The following FARP1 variants were observed in gnomAD, a reference collection of about 807,000 sequenced individuals.
FARP1 encodes the protein FERM, ARHGEF and pleckstrin domain-containing protein 1.
Under a neutral mutation model 128.8 loss-of-function variants are expected in FARP1, and 52 were observed. That is an observed-to-expected ratio of 0.40 (90% CI 0.32 to 0.51). The LOEUF (loss-of-function observed/expected upper bound fraction) is 0.51. FARP1 is among the 20% of genes least tolerant of loss of function. FARP1 has a pLI of 0.45. For missense variants in FARP1, 1,333 were observed against 1,367.9 expected (o/e 0.97, Z 0.40); for synonymous variants, 580 against 551.8 (o/e 1.05, Z -0.72).
chr13:98,424,432 A>G (rs9584843), intron 16 of FARP1, 140 bp from the exon 17 acceptor site: 82,371 of 646,502 alleles, frequency 0.13, 9,885 homozygotes, highest in East Asian at 0.38. Context: ...CAACGATAAC[A>G]TTCCATGACC....
chr13:98,188,679 C>T (rs1417209797), intron 1 of FARP1, among the ~76,000 whole-genome samples: 5 of 152,130 alleles, frequency 3.3e-5, no homozygotes, highest in Non-Finnish European at 5.9e-5. Flanking sequence ...GGCTGACCTG[C>T]GGGTCCCCTG....
intron 13 of FARP1, chr13:98,406,272 C>A (rs980124449): frequency 6.6e-6 from 1 of 152,150 alleles, no homozygotes; most frequent in African/African-American, 2.4e-5. Flanking sequence ...TTGTTTGGAC[C>A]ACGTCACCTG....
At chr13:98,199,132 A>G (rs572129565) in intron 1 of FARP1, among the ~76,000 whole-genome samples, 2 of 151,508 alleles carry the variant, frequency 1.3e-5, no homozygotes, top group South Asian at 4.2e-4. Context: ...CTTTCAGTAC[A>G]TGGTGGATGC....
chr13:98,395,574 G>C, intron 13 of FARP1, 98 bp downstream of exon 13: 1 of 1,397,252 alleles, frequency 7.2e-7, no homozygotes, highest in Non-Finnish European at 9.6e-7. Flanking sequence ...GAGAACAAGC[G>C]TCCCGATCCC....
At position 98,256,948 on chromosome 13, in the gene FARP1, G is replaced by GGTATATATATATATATATATATATATGT. The variant is rs59128917; in HGVS notation, c.171+43535_171+43536insGTATATATATATATATATATATATATGT. Among the ~76,000 whole-genome samples the GGTATATATATATATATATATATATATGT allele has an allele frequency of 1.4e-3, 107 of 77,084 alleles. 5 individuals carry two copies. The highest frequency in any genetic ancestry group is 2.2e-3 in the Non-Finnish European group (83 of 37,082). The allele number at this position is 77,084 out of a possible 152,430, so 50.6% of individuals were successfully genotyped here. On this transcript the variant is annotated intron_variant, in intron 2 of 26. Transcript: ENST00000319562. Reference sequence around the variant, plus strand: ...CAATAATTTTCAAAGTATATATGTGGATATATATATATATATATATATATA... The same window carrying GGTATATATATATATATATATATATATGT: ...CAATAATTTTCAAAGTATATATGTGGGTATATATATATATATATATATATATGTATATATATATATATATATATATATA...
rs2139212000 is a variant in FARP1, at chr13:98,450,804, AG to A, written c.*2488del. The A allele has an allele frequency of 6.6e-6, 1 of 152,386 alleles. No homozygotes were observed. Among genetic ancestry groups the A allele is most frequent in the Non-Finnish European group, 1.5e-5 (1 of 68,048 alleles). The allele number at this position is 152,386 out of a possible 1,614,324, so 9.4% of individuals were successfully genotyped here. A position where few individuals can be genotyped will look rare whatever the true frequency, so the allele number is the denominator to read the frequency against. ...GGCTCTCTCTTAATGCAGGCCTGGA[AG>A]TGGCGACACAAAAGCCAGCTTCCTT... On this transcript the variant is annotated 3_prime_UTR_variant, in exon 27 of 27. Coordinates refer to ENST00000319562, the MANE Select transcript of FARP1 (RefSeq NM_005766.4).
At chr13:98,378,005 A>T in intron 6 of FARP1, 87 bp downstream of exon 6, 2 of 998,296 alleles carry the variant, frequency 2.0e-6, no homozygotes, top group Non-Finnish European at 3.1e-6. Context: ...CCACCAAAAA[A>T]GAAAGTGTCA....
At chr13:98,313,313 AACAC>A (rs10684013) in intron 2 of FARP1, among the ~76,000 whole-genome samples, 32 of 139,454 alleles carry the variant, frequency 2.3e-4, no homozygotes, top group Non-Finnish European at 3.4e-4. Context: ...CCTTCCCCCA[AACAC>A]ACACACACAC....
rs1168723557 is a variant in FARP1, at chr13:98,368,104, T to G, written c.320-13T>G. 4 of 1,607,816 alleles carry G rather than the reference T, an allele frequency of 2.5e-6. No homozygotes were observed. In the East Asian group the frequency reaches 8.9e-5, roughly 36 times the overall value. On this transcript the variant is annotated splice_polypyrimidine_tract_variant and intron_variant, in intron 4 of 26. Coordinates refer to ENST00000319562, the MANE Select transcript of FARP1 (RefSeq NM_005766.4). ...TCAGTAAATGCTTTACTTCTTTTTT[T>G]CTTCTTCTTTAGGGCCAAAGCACGT...
chr13:98,296,747 A>G (rs932636803), intron 2 of FARP1, among the ~76,000 whole-genome samples: 2 of 139,000 alleles, frequency 1.4e-5, no homozygotes, highest in East Asian at 4.4e-4. Flanking sequence ...GCTAGAGTGC[A>G]GTGACATAGC....
chr13:98,336,703 A>C (rs1324592793), intron 2 of FARP1, among the ~76,000 whole-genome samples: 1 of 152,182 alleles, frequency 6.6e-6, no homozygotes, highest in African/African-American at 2.4e-5. Flanking sequence ...CATGAATGTA[A>C]ACCTCCTCCT....
intron 2 of FARP1, among the ~76,000 whole-genome samples, chr13:98,309,153 C>CTTTTTTTTTTTTTTTT (rs56030081): frequency 2.2e-5 from 2 of 89,670 alleles, no homozygotes; most frequent in African/African-American, 8.8e-5. Context: ...TTTAAGAGGC[C>CTTTTTTTTTTTTTTTT]TTTTTTTTTT....
chr13:98,420,430 C>T (rs2140142237), intron 16 of FARP1, among the ~76,000 whole-genome samples: 1 of 152,312 alleles, frequency 6.6e-6, no homozygotes, highest in East Asian at 1.9e-4. Flanking sequence ...TCTTCCCTGT[C>T]CTCAGTCTGC....
rs933010872 is a variant in FARP1, at chr13:98,409,490, C to T, written c.1567C>T (p.Pro523Ser). Residue 523 changes from proline (P) to serine (S), a missense_variant, in exon 14 of 27, where the codon CCC becomes TCC. This residue lies in a region of FARP1 where 1,009 missense variants were observed against 969.8 expected (regional missense o/e 1.04). Coordinates refer to ENST00000319562, the MANE Select transcript of FARP1 (RefSeq NM_005766.4). ...CCCGCTGCTGAATGACCAGGCCTGC[C>T]CCCGGACGGACGATGAGGATGAGGG... ...ISPLLNDQAC[P>S]RTDDEDEGRR... 3.1e-6 allele frequency: 5 copies of T among 1,613,304 alleles called. No individual in the cohort carries two copies. In the African/African-American group the frequency reaches 5.3e-5, roughly 17 times the overall value.
intron 1 of FARP1, among the ~76,000 whole-genome samples, chr13:98,162,431 C>T (rs1409906625): frequency 6.6e-6 from 1 of 152,168 alleles, no homozygotes; most frequent in African/African-American, 2.4e-5. Flanking sequence ...TGCGTTTGTG[C>T]CGCTATTCCT....
At chr13:98,288,234 T>TG (rs1466254228) in intron 2 of FARP1, among the ~76,000 whole-genome samples, 1 of 152,090 alleles carries the variant, frequency 6.6e-6, no homozygotes, top group Non-Finnish European at 1.5e-5. Flanking sequence ...TGAGGAGGGA[T>TG]GGTATAGGTT....
At chr13:98,173,043 A>G (rs921141896) in intron 1 of FARP1, among the ~76,000 whole-genome samples, 1 of 152,230 alleles carries the variant, frequency 6.6e-6, no homozygotes, top group African/African-American at 2.4e-5. Flanking sequence ...AAATAATAGT[A>G]GTTAAGGATA....
intron 1 of FARP1, among the ~76,000 whole-genome samples, chr13:98,173,913 C>A (rs938794927): frequency 3.3e-5 from 5 of 152,184 alleles, no homozygotes; most frequent in African/African-American, 1.2e-4. Flanking sequence ...CATCCCTGTT[C>A]TGAGCTGTTT....
intron 1 of FARP1, among the ~76,000 whole-genome samples, chr13:98,156,350 A>G (rs1282099289): frequency 6.6e-6 from 1 of 152,248 alleles, no homozygotes; most frequent in African/African-American, 2.4e-5. Context: ...AAAGATAAAC[A>G]TATTAAGTTA....
Sources: gnomAD v4.1 joint callset for allele counts (sites outside exome capture counted in the v4.1 genomes callset) on GRCh38, gnomAD v4.1.1 for gene constraint, gnomAD v4.1.1 regional missense constraint, MANE v1.5 for transcripts, NCBI Gene and HGNC (gene_info 2026-07-23, HGNC 2026-07-21) for gene names.